The following ADAMTS19 variants were observed in gnomAD, a reference collection of about 807,000 sequenced individuals.
The protein encoded by ADAMTS19 is A disintegrin and metalloproteinase with thrombospondin motifs 19.
Under a neutral mutation model 153.3 loss-of-function variants are expected in ADAMTS19, and 93 were observed. That is an observed-to-expected ratio of 0.61 (90% CI 0.51 to 0.72). The LOEUF is 0.72. Among genes scored for constraint, ADAMTS19 ranks in the 30% least tolerant of loss-of-function variants. The probability of loss-of-function intolerance (pLI) is 0.00; values close to 1 mark genes in which losing one functional copy is unlikely to be tolerated. For synonymous variants in ADAMTS19, 600 were observed against 556.6 expected, an observed-to-expected ratio of 1.08 and a Z score of -1.10; for missense variants, 1,482 against 1,552.1, an observed-to-expected ratio of 0.95 and a Z score of 0.76.
chr5:129,737,521 G>T lies in ADAMTS19; in HGVS notation c.*303G>T. Reference sequence around the variant, plus strand: ...AAAACAAGTTTTCGTTGTTTGTTAGGGCTATCTCTAAGGTGCTACTCTCTC... The same window carrying T: ...AAAACAAGTTTTCGTTGTTTGTTAGTGCTATCTCTAAGGTGCTACTCTCTC... On this transcript the variant is annotated 3_prime_UTR_variant, in exon 23 of 23. Coordinates refer to ENST00000274487, the MANE Select transcript of ADAMTS19 (RefSeq NM_133638.6). The T allele has an allele frequency of 5.8e-6, 1 of 172,624 alleles. No homozygotes were observed. Among genetic ancestry groups the T allele is most frequent in the East Asian group, 1.6e-4 (1 of 6,420 alleles). 10.7% of individuals were successfully genotyped at this position (172,624 alleles called of 1,614,324 possible).
intron 2 of ADAMTS19, among the ~76,000 whole-genome samples, chr5:129,484,324 T>A (rs1750518865): frequency 6.6e-6 from 1 of 152,174 alleles, no homozygotes; most frequent in African/African-American, 2.4e-5. Context: ...ATTCTGCACA[T>A]CATGTTGAAG....
intron 11 of ADAMTS19, among the ~76,000 whole-genome samples, chr5:129,644,728 ATG>A (rs1236128053): frequency 1.3e-5 from 2 of 152,324 alleles, no homozygotes; most frequent in East Asian, 3.9e-4. Flanking sequence ...AAAATAATAA[ATG>A]TATGTATTTT....
At chr5:129,533,385 G>T (rs1379338317) in intron 6 of ADAMTS19, among the ~76,000 whole-genome samples, 1 of 152,156 alleles carries the variant, frequency 6.6e-6, no homozygotes, top group Non-Finnish European at 1.5e-5. Flanking sequence ...CCATAATAAA[G>T]TTGGTTAAGA....
chr5:129,493,728 T>G (rs1423763518), intron 2 of ADAMTS19, among the ~76,000 whole-genome samples: 2 of 152,182 alleles, frequency 1.3e-5, no homozygotes, highest in African/African-American at 4.8e-5. Flanking sequence ...AATTTATGAA[T>G]AGTTATTAAT....
chr5:129,679,726 C>T, intron 16 of ADAMTS19, 38 bp from the exon 17 acceptor site: 4 of 1,475,442 alleles, frequency 2.7e-6, no homozygotes, highest in Non-Finnish European at 3.6e-6. Context: ...ATGAAGCTGA[C>T]TTGTTAATAC....
chr5:129,658,309 AAAAGAAAGAAAGAAAGAAAG>A (rs150048700), intron 14 of ADAMTS19, among the ~76,000 whole-genome samples: 1,359 of 113,644 alleles, frequency 0.012, 26 homozygotes, highest in Middle Eastern at 0.029. Flanking sequence ...GAAAGAAAGA[AAAAGAAAGAAAGAAAGAAAG>A]AAAGAAAGAA....
chr5:129,535,573 T>C lies in ADAMTS19; in HGVS notation c.1328+6896T>C, dbSNP rs928190088. Among the ~76,000 whole-genome samples, 92 of 152,244 alleles carry C rather than the reference T, an allele frequency of 6.0e-4. 1 individual carries two copies. Among genetic ancestry groups the C allele is most frequent in the African/African-American group, 1.8e-3 (76 of 41,554 alleles). ...TTGGAAAAAGCTACTTTAAAGTTCATAGGGAACCAAAAAAGAGCCCGCATT... is the reference window on the plus strand; with the variant it reads ...TTGGAAAAAGCTACTTTAAAGTTCACAGGGAACCAAAAAAGAGCCCGCATT... On this transcript the variant is annotated intron_variant, in intron 6 of 22. Coordinates refer to ENST00000274487, the MANE Select transcript of ADAMTS19 (RefSeq NM_133638.6).
chr5:129,730,173 G>A (rs1028245471), intron 21 of ADAMTS19, among the ~76,000 whole-genome samples: 1 of 151,886 alleles, frequency 6.6e-6, no homozygotes, highest in African/African-American at 2.4e-5. Flanking sequence ...TGAGATTAAG[G>A]CTTTTAAAGG....
In ADAMTS19 at chr5:129,656,347, T is replaced by G. The variant is rs1753546561; in HGVS notation, c.2304+1914T>G. On this transcript the variant is annotated intron_variant, in intron 14 of 22. Coordinates refer to ENST00000274487, the MANE Select transcript of ADAMTS19 (RefSeq NM_133638.6). Reference sequence around the variant, plus strand: ...ATTGAAAACATGCCTCTTTAGTTTTTCTGACAACCCTCAACAATTGGGGGT... The same window carrying G: ...ATTGAAAACATGCCTCTTTAGTTTTGCTGACAACCCTCAACAATTGGGGGT... Among the ~76,000 whole-genome samples the G allele has an allele frequency of 3.3e-5, 5 of 152,232 alleles. 1 individual carries two copies. In the South Asian group the frequency reaches 1.0e-3, roughly 31 times the overall value.
At chr5:129,480,629 C>T (rs1017487754) in intron 2 of ADAMTS19, among the ~76,000 whole-genome samples, 2 of 151,744 alleles carry the variant, frequency 1.3e-5, no homozygotes, top group African/African-American at 4.8e-5. Flanking sequence ...AAAAAAAGTT[C>T]GTGAAAAAGA....
intron 15 of ADAMTS19, 122 bp from the exon 16 acceptor site, chr5:129,665,377 A>G (rs1377327269): frequency 5.9e-5 from 40 of 683,578 alleles, no homozygotes; most frequent in Non-Finnish European, 8.9e-5. Flanking sequence ...ATTTTTCTTT[A>G]CGTAAGTACT....
intron 14 of ADAMTS19, 87 bp downstream of exon 14, chr5:129,654,520 T>G: frequency 7.0e-7 from 1 of 1,436,890 alleles, no homozygotes; most frequent in Non-Finnish European, 9.4e-7. Context: ...GTGGAAAGCT[T>G]TGGACTTAGA....
intron 6 of ADAMTS19, among the ~76,000 whole-genome samples, chr5:129,551,523 T>C (rs1753117649): frequency 6.6e-6 from 1 of 151,124 alleles, no homozygotes; most frequent in African/African-American, 2.4e-5. Context: ...TATCTTCCAG[T>C]AATTTTTCAA....
At chr5:129,665,424 CA>C in intron 15 of ADAMTS19, 74 bp from the exon 16 acceptor site, 1 of 1,282,912 alleles carries the variant, frequency 7.8e-7, no homozygotes, top group South Asian at 1.5e-5. Flanking sequence ...AAAAGGAAAA[CA>C]AAAGGCAAGT....
At chr5:129,654,506 C>G in intron 14 of ADAMTS19, 73 bp downstream of exon 14, 1 of 1,509,694 alleles carries the variant, frequency 6.6e-7, no homozygotes, top group Non-Finnish European at 9.0e-7. Context: ...AGCTTCACAG[C>G]ATGGTGGAAA....
chr5:129,565,089 T>C (rs1028825003), intron 7 of ADAMTS19, among the ~76,000 whole-genome samples: 2 of 152,202 alleles, frequency 1.3e-5, no homozygotes, highest in African/African-American at 4.8e-5. Flanking sequence ...TCAGAATTTT[T>C]AATAATAAAT....
At chr5:129,720,577 G>A (rs932829871) in intron 21 of ADAMTS19, among the ~76,000 whole-genome samples, 1 of 152,190 alleles carries the variant, frequency 6.6e-6, no homozygotes, top group Non-Finnish European at 1.5e-5. Flanking sequence ...AGTTGTTTAT[G>A]CAAGTTAAAT....
rs563885418 is a variant in ADAMTS19, at chr5:129,577,960, T to C, written c.1373-18599T>C. Among the ~76,000 whole-genome samples, 14 of 151,320 alleles carry C rather than the reference T, an allele frequency of 9.3e-5. No homozygotes were observed. In the South Asian group the frequency reaches 2.9e-3, roughly 32 times the overall value. ...ATTCATTGATTTTCCTCTTTTTTAC[T>C]TCCTTTTATTTTTTTAAGCTTTAAT... On this transcript the variant is annotated intron_variant, in intron 7 of 22. Transcript: ENST00000274487.
At chr5:129,737,026 G>A (rs1294773498) in intron 22 of ADAMTS19, 41 bp from the exon 23 acceptor site, 15 of 1,502,784 alleles carry the variant, frequency 1.0e-5, no homozygotes, top group East Asian at 2.4e-5. Context: ...TGACATATAT[G>A]ATATCTGCAT....
Sources: gnomAD v4.1 joint callset for allele counts (sites outside exome capture counted in the v4.1 genomes callset) on GRCh38, gnomAD v4.1.1 for gene constraint, MANE v1.5 for transcripts, NCBI Gene and HGNC (gene_info 2026-07-23, HGNC 2026-07-21) for gene names.